BACH1: variants seen among roughly 807,000 people sequenced by gnomAD.
BACH1 encodes BTB domain and CNC homolog 1.
A neutral mutation model predicts 52.9 loss-of-function variants in BACH1; 35 were observed. The ratio of observed to expected loss-of-function variants is 0.66; its 90% CI spans 0.51 to 0.88. BACH1 has a LOEUF of 0.88. Ranked by LOEUF, BACH1 falls within the 40% of genes least tolerant of loss-of-function variation. The pLI, the probability that BACH1 is intolerant of heterozygous loss-of-function variation, is 0.00. For missense variants in BACH1, 808 were observed against 872.6 expected (o/e 0.93, Z 0.93); for synonymous variants, 321 against 319.6 (o/e 1.00, Z -0.05).
chr21:29,322,845 C>T (rs1391630976), intron 2 of BACH1, among the ~76,000 whole-genome samples: 2 of 152,124 alleles, frequency 1.3e-5, no homozygotes, highest in Non-Finnish European at 2.9e-5. Context: ...AAAGGCCAAC[C>T]TATGAACTAG....
intron 2 of BACH1, chr21:29,352,616 GT>G (rs2123489012): frequency 6.6e-6 from 1 of 152,154 alleles, no homozygotes; most frequent in East Asian, 1.9e-4. Flanking sequence ...TGCCTGCCAG[GT>G]TCAAGTGATT....
At chr21:29,350,239 T>C (rs2832288), downstream of BACH1, among the ~76,000 whole-genome samples, 19,637 of 152,216 alleles carry the variant, frequency 0.13, 1,589 homozygotes, top group East Asian at 0.36. Context: ...ATCACATGCG[T>C]CTCTTACTAC....
intron 1 of BACH1, among the ~76,000 whole-genome samples, chr21:29,306,404 A>C (rs1257214679): frequency 6.6e-6 from 1 of 151,604 alleles, no homozygotes; most frequent in Non-Finnish European, 1.5e-5. Context: ...CAGTGAGAAA[A>C]ATTTTTCCCT....
intron 2 of BACH1, among the ~76,000 whole-genome samples, chr21:29,358,075 G>C (rs745985408): frequency 9.9e-5 from 15 of 152,170 alleles, no homozygotes; most frequent in Non-Finnish European, 1.6e-4. Flanking sequence ...TGGAAGTGGG[G>C]ATGCTCTTCC....
chr21:29,348,021 A>T (rs879558239), downstream of BACH1, among the ~76,000 whole-genome samples: 7 of 152,240 alleles, frequency 4.6e-5, no homozygotes, highest in Admixed American at 2.6e-4. Context: ...GATTAAAAAA[A>T]ATCTAAAGGC....
At chr21:29,355,852 A>C (rs916699341) in intron 2 of BACH1, among the ~76,000 whole-genome samples, 2 of 152,200 alleles carry the variant, frequency 1.3e-5, no homozygotes, top group Non-Finnish European at 2.9e-5. Flanking sequence ...GCGTTGTCTG[A>C]TTTCAGAAGC....
chr21:29,320,960 G>T (rs913673069), intron 1 of BACH1, among the ~76,000 whole-genome samples: 1 of 152,104 alleles, frequency 6.6e-6, no homozygotes, highest in Non-Finnish European at 1.5e-5. Context: ...AGTGTGTAAT[G>T]TCTCACTTTC....
chr21:29,312,351 G>T (rs1018807602), intron 1 of BACH1, among the ~76,000 whole-genome samples: 1 of 152,068 alleles, frequency 6.6e-6, no homozygotes, highest in Non-Finnish European at 1.5e-5. Flanking sequence ...ATTTAGTGGC[G>T]AAATACTTAA....
At chr21:29,307,626 A>T (rs1415014295) in intron 1 of BACH1, among the ~76,000 whole-genome samples, 3 of 152,154 alleles carry the variant, frequency 2.0e-5, no homozygotes, top group Admixed American at 2.0e-4. Flanking sequence ...GTTGTATTTT[A>T]TTATTGTTAA....
chr21:29,338,136 T>A (rs1337632606), intron 4 of BACH1, among the ~76,000 whole-genome samples: 1 of 152,174 alleles, frequency 6.6e-6, no homozygotes, highest in East Asian at 1.9e-4. Context: ...GCGTTGTTTC[T>A]CTTAAAGTCA....
chr21:29,324,556 TTGTGTGTG>T (rs59785894), intron 2 of BACH1, among the ~76,000 whole-genome samples: 131 of 145,300 alleles, frequency 9.0e-4, no homozygotes, highest in East Asian at 7.1e-3. Context: ...TGGATGTACC[TTGTGTGTG>T]TGTGTGTGTG....
At chr21:29,339,856 G>A (rs1432459943) in intron 4 of BACH1, among the ~76,000 whole-genome samples, 4 of 151,950 alleles carry the variant, frequency 2.6e-5, no homozygotes, top group Admixed American at 6.6e-5. Flanking sequence ...AGCTGGTCTC[G>A]AACTCCTGAC....
Position 29,327,218 on chromosome 21 carries a change from G to C in BACH1, c.1394G>C (p.Ser465Thr). The change falls in exon 3 of 5, where the codon AGT becomes ACT. Residue 465 changes from serine (S) to threonine (T), a missense_variant. Physicochemically the swap from Ser to Thr is moderately conservative, Grantham distance 58. Coordinates refer to ENST00000286800, the MANE Select transcript of BACH1 (RefSeq NM_001186.4). ...TLSSVNCPFI[S>T]TLSTEGCSSN... The stretch of plus-strand genomic sequence containing the variant: ...AGTTCTGTCAACTGCCCTTTTATAA[G>C]TACTCTGAGTACTGAAGGCTGTTCA... The C allele has an allele frequency of 6.2e-7, 1 of 1,614,168 alleles. No homozygotes were observed. The highest frequency in any genetic ancestry group is 8.5e-7 in the Non-Finnish European group (1 of 1,180,036).
intron 2 of BACH1, among the ~76,000 whole-genome samples, chr21:29,352,146 C>T (rs2089206355): frequency 6.6e-6 from 1 of 151,696 alleles, no homozygotes; most frequent in Non-Finnish European, 1.5e-5. Context: ...CCTCTGCCTC[C>T]TGGGTTCAAG....
chr21:29,338,945 TAAG>T (rs1247390867), intron 4 of BACH1, among the ~76,000 whole-genome samples: 1 of 152,206 alleles, frequency 6.6e-6, no homozygotes, highest in Non-Finnish European at 1.5e-5. Context: ...TTTTTAAACT[TAAG>T]AATTGATTTA....
chr21:29,353,438 G>A lies in BACH1; in HGVS notation c.472+23745G>A, dbSNP rs539650833. 1.8e-4 allele frequency among the ~76,000 whole-genome samples: 28 copies of A among 152,252 alleles called. No individual in the cohort carries two copies. The East Asian group carries it at 5.2e-3, about 28-fold the overall frequency. On this transcript the variant is annotated intron_variant, in intron 2 of 4. Transcript: ENST00000422809. ...TCAGTACCCACTAGCCACATGCCAC[G>A]TGTCACAACCCCCTTCTTTTCTTAG...
At chr21:29,321,045 C>G (rs1271653592) in intron 1 of BACH1, among the ~76,000 whole-genome samples, 176 bp from the exon 2 acceptor site, 1 of 152,188 alleles carries the variant, frequency 6.6e-6, no homozygotes, top group Non-Finnish European at 1.5e-5. Context: ...GTTAGAAAAA[C>G]TGCTATCAAG....
rs538533171 is a variant in BACH1, at chr21:29,345,758, C to G, written c.*2925C>G. 2.0e-5 allele frequency: 3 copies of G among 152,590 alleles called. No homozygotes were observed. Among genetic ancestry groups the G allele is most frequent in the African/African-American group, 7.2e-5 (3 of 41,522 alleles). The allele number at this position is 152,590 out of a possible 1,614,324, so 9.5% of individuals were successfully genotyped here. A position where few individuals can be genotyped will look rare whatever the true frequency, so the allele number is the denominator to read the frequency against. On this transcript the variant is annotated 3_prime_UTR_variant, in exon 5 of 5. Transcript: ENST00000286800. ...ATGTTACGGTGAATTCTCAGGTGAA[C>G]TTTTTTCAGTTATAAAACATCTATT...
At chr21:29,359,923 C>A (rs1421526312) in intron 2 of BACH1, among the ~76,000 whole-genome samples, 1 of 152,170 alleles carries the variant, frequency 6.6e-6, no homozygotes, top group East Asian at 1.9e-4. Context: ...TCATTGCTTC[C>A]TCTGACCTAT....
Sources: gnomAD v4.1 joint callset for allele counts (sites outside exome capture counted in the v4.1 genomes callset) on GRCh38, gnomAD v4.1.1 for gene constraint, MANE v1.5 for transcripts, NCBI Gene and HGNC (gene_info 2026-07-23, HGNC 2026-07-21) for gene names.